Variants in TNPO3 observed in about 807,000 individuals in gnomAD.
TNPO3 encodes the protein transportin 3.
In TNPO3, 65 loss-of-function variants were observed where a neutral mutation model predicts 122.8. The ratio of observed to expected loss-of-function variants is 0.53; its 90% CI spans 0.43 to 0.65. The LOEUF is 0.65. TNPO3 is among the 30% of genes least tolerant of loss of function. The pLI is 0.00. For synonymous variants in TNPO3, 372 were observed against 411.2 expected (o/e 0.90, Z 1.15); for missense variants, 850 against 1,136.7 (o/e 0.75, Z 3.63).
chr7:129,053,709 G>A (rs764429733), intron 1 of TNPO3, among the ~76,000 whole-genome samples: 4 of 152,062 alleles, frequency 2.6e-5, no homozygotes, highest in Non-Finnish European at 5.9e-5. Flanking sequence ...AAAGGTAAAG[G>A]TGAGTATTTT....
intron 1 of TNPO3, among the ~76,000 whole-genome samples, chr7:129,047,086 A>C (rs1808146917): frequency 6.6e-6 from 1 of 152,244 alleles, no homozygotes; most frequent in African/African-American, 2.4e-5. Flanking sequence ...AGTCTATCAA[A>C]GCATGACTTT....
intron 7 of TNPO3, among the ~76,000 whole-genome samples, chr7:129,000,065 T>G (rs1196324777): frequency 6.6e-6 from 1 of 152,134 alleles, no homozygotes; most frequent in Non-Finnish European, 1.5e-5. Context: ...CATCCATCAT[T>G]TGGAGAAAAA....
Position 129,055,001 on chromosome 7 carries a change from T to A in TNPO3, c.-231A>T. On this transcript the variant is annotated 5_prime_UTR_variant, in exon 1 of 23. Transcript: ENST00000265388. ...TGGCCTTTTTTCCGGTTTTTCCACT[T>A]GATTCTAGACTCTTGAGTCCACAGA... The A allele has an allele frequency of 3.7e-6, 2 of 534,708 alleles. No individual in the cohort carries two copies. Among genetic ancestry groups the A allele is most frequent in the South Asian group, 4.2e-5 (2 of 47,680 alleles). The allele number at this position is 534,708 out of a possible 1,614,324, so 33.1% of individuals were successfully genotyped here. A position where few individuals can be genotyped will look rare whatever the true frequency, so the allele number is the denominator to read the frequency against.
chr7:129,050,925 A>G (rs1808686384), intron 1 of TNPO3, among the ~76,000 whole-genome samples: 1 of 152,246 alleles, frequency 6.6e-6, no homozygotes, highest in Non-Finnish European at 1.5e-5. Flanking sequence ...ACAAAGAGGC[A>G]AAGGGAATTC....
rs757768148 is a variant in TNPO3, at chr7:129,018,152, A to G, written c.126T>C (p.His42=). The change falls in exon 2 of 23, where the codon CAT becomes CAC. Residue 42 remains histidine, a synonymous_variant. Transcript: ENST00000265388. ...ACAACTGGTCTGAGATCTCCCATGC[A>G]TGAACCTGAAAGCGTATTAGACAAA... ...FWLGELQRSV[H]AWEISDQLLQ... 1.9e-6 allele frequency: 3 copies of G among 1,614,162 alleles called. No individual in the cohort carries two copies. The highest frequency in any genetic ancestry group is 1.6e-4 in the Middle Eastern group (1 of 6,062).
chr7:129,035,611 G>A (rs931414033), intron 1 of TNPO3, among the ~76,000 whole-genome samples: 1 of 151,820 alleles, frequency 6.6e-6, no homozygotes. Flanking sequence ...GCGAGACCAC[G>A]TCGGGGGGAA....
At chr7:128,980,076 C>T in intron 14 of TNPO3, 45 bp from the exon 15 acceptor site, 2 of 1,548,996 alleles carry the variant, frequency 1.3e-6, no homozygotes, top group Non-Finnish European at 1.8e-6. Flanking sequence ...AGACCAATTT[C>T]ACTGAGGACC....
chr7:129,019,133 T>C lies in TNPO3; in HGVS notation c.121-976A>G, dbSNP rs535671167. Among the ~76,000 whole-genome samples, 4 of 152,358 alleles carry C rather than the reference T, an allele frequency of 2.6e-5. No homozygotes were observed. The South Asian group carries it at 8.3e-4, about 32-fold the overall frequency. On this transcript the variant is annotated intron_variant, in intron 1 of 22. Coordinates refer to ENST00000265388, the MANE Select transcript of TNPO3 (RefSeq NM_012470.4). ...AGACATAATAAAAAGAACCAAAGTATAAAATCTGCTCTCTAGTAGCCAGTC... is the reference window on the plus strand; with the variant it reads ...AGACATAATAAAAAGAACCAAAGTACAAAATCTGCTCTCTAGTAGCCAGTC...
At chr7:129,006,302 T>C (rs1417824717) in intron 4 of TNPO3, among the ~76,000 whole-genome samples, 2 of 152,234 alleles carry the variant, frequency 1.3e-5, no homozygotes, top group East Asian at 3.8e-4. Context: ...TACTTACTTA[T>C]ATACCTGGTT....
At chr7:128,989,833 ACT>A (rs971794167) in intron 11 of TNPO3, 126 bp downstream of exon 11, 28 of 983,144 alleles carry the variant, frequency 2.8e-5, no homozygotes, top group Admixed American at 5.3e-5. Flanking sequence ...CATATTGTTT[ACT>A]CTCAGTTTCT....
intron 1 of TNPO3, among the ~76,000 whole-genome samples, chr7:129,054,222 C>A (rs1809173060): frequency 6.6e-6 from 1 of 152,042 alleles, no homozygotes; most frequent in Non-Finnish European, 1.5e-5. Context: ...CATAAGGCTA[C>A]GACTGGGAGC....
In TNPO3 at chr7:129,000,418, A is replaced by C. The variant is rs1181669982; in HGVS notation, c.1011+11T>G. ...TGGAGAATAATGGCCTTTGAATAGC[A>C]TAAACACTACCTCATATTGAGGATG... On this transcript the variant is annotated intron_variant, in intron 7 of 22. Transcript: ENST00000265388. 6.2e-7 allele frequency: 1 copy of C among 1,609,326 alleles called. No homozygotes were observed. The highest frequency in any genetic ancestry group is 1.1e-5 in the South Asian group (1 of 90,570).
At chr7:129,032,430 G>T (rs1288120320) in intron 1 of TNPO3, among the ~76,000 whole-genome samples, 1 of 152,138 alleles carries the variant, frequency 6.6e-6, no homozygotes, top group African/African-American at 2.4e-5. Context: ...CACATATAAT[G>T]TAAGATCATT....
intron 1 of TNPO3, 48 bp downstream of exon 1, chr7:129,054,603 A>G (rs776699218): frequency 1.2e-6 from 2 of 1,606,694 alleles, no homozygotes; most frequent in Admixed American, 3.3e-5. Flanking sequence ...CCTAGGTTCC[A>G]CCCCGCCCCG....
chr7:128,972,649 G>C, intron 18 of TNPO3, 67 bp from the exon 19 acceptor site: 1 of 1,448,088 alleles, frequency 6.9e-7, no homozygotes, highest in Non-Finnish European at 9.5e-7. Flanking sequence ...AGGGTAAAAG[G>C]GCAAAACTAT....
chr7:129,024,836 T>A (rs1804918944), intron 1 of TNPO3, among the ~76,000 whole-genome samples: 1 of 151,586 alleles, frequency 6.6e-6, no homozygotes, highest in South Asian at 2.1e-4. Flanking sequence ...CCAGCCTCTA[T>A]GAAAAATTTT....
rs575297137 is a variant in TNPO3, at chr7:128,995,524, T to C, written c.1159-1610A>G. ...TAATGGCTAACATTATAAAGCACTA[T>C]ACAAATTATAAAGCGCTATACACTT... On this transcript the variant is annotated intron_variant, in intron 8 of 22. Coordinates refer to ENST00000265388, the MANE Select transcript of TNPO3 (RefSeq NM_012470.4). Among the ~76,000 whole-genome samples, 6 of 152,268 alleles carry C rather than the reference T, an allele frequency of 3.9e-5. No homozygotes were observed. In the South Asian group the frequency reaches 1.0e-3, roughly 26 times the overall value.
chr7:129,017,631 C>T (rs868429972), intron 2 of TNPO3, among the ~76,000 whole-genome samples: 3 of 152,162 alleles, frequency 2.0e-5, no homozygotes, highest in Non-Finnish European at 4.4e-5. Context: ...TCTAGTTCAA[C>T]GTTTCATTCA....
intron 1 of TNPO3, among the ~76,000 whole-genome samples, chr7:129,042,429 T>C (rs893354653): frequency 1.3e-5 from 2 of 152,216 alleles, no homozygotes; most frequent in African/African-American, 2.4e-5. Flanking sequence ...TTTAGATATA[T>C]GCCCTGCAAC....
Sources: gnomAD v4.1 joint callset for allele counts (sites outside exome capture counted in the v4.1 genomes callset) on GRCh38, gnomAD v4.1.1 for gene constraint, MANE v1.5 for transcripts, NCBI Gene and HGNC (gene_info 2026-07-23, HGNC 2026-07-21) for gene names.